SLC19A2: variants seen among roughly 807,000 people sequenced by gnomAD.
SLC19A2 encodes thiamine transporter 1.
Under a neutral mutation model 44.7 loss-of-function variants are expected in SLC19A2, and 27 were observed. The observed-to-expected ratio is 0.60, with a 90% CI of 0.45 to 0.83. SLC19A2 has a LOEUF of 0.83. Ranked by LOEUF, SLC19A2 falls within the 40% of genes least tolerant of loss-of-function variation. SLC19A2 has a pLI of 0.00. For synonymous variants in SLC19A2, 239 were observed against 243.6 expected (o/e 0.98, Z 0.18); for missense variants, 566 against 613.7 (o/e 0.92, Z 0.82).
chr1:169,475,529 A>G (rs904659206), intron 2 of SLC19A2, among the ~76,000 whole-genome samples: 3 of 152,202 alleles, frequency 2.0e-5, no homozygotes, highest in African/African-American at 7.2e-5. Flanking sequence ...CGTTAATTTT[A>G]GCTAAAGCCA....
chr1:169,469,196 ACCAAGGAGCAGTC>A (rs1658109192), intron 3 of SLC19A2: 1 of 308,046 alleles, frequency 3.2e-6, no homozygotes, highest in Admixed American at 5.0e-5. Context: ...TCTCCTTCAA[ACCAAGGAGCAGTC>A]TAGAACATGG....
intron 1 of SLC19A2, among the ~76,000 whole-genome samples, chr1:169,484,729 T>A (rs189457218): frequency 7.7e-4 from 116 of 149,886 alleles, no homozygotes; most frequent in Middle Eastern, 3.4e-3. Context: ...GCTTCTGAAG[T>A]ACTTTATTTG....
chr1:169,477,452 T>C lies in SLC19A2; in HGVS notation c.510A>G (p.Thr170=). ...GGATTTGCCCTAGGACAGAGCCCACTGTAAAGCCCACCAAAGTGGCACTTC... is the reference window on the plus strand; with the variant it reads ...GGATTTGCCCTAGGACAGAGCCCACCGTAAAGCCCACCAAAGTGGCACTTC... ...YCRSATLVGF[T]VGSVLGQILV... The change falls in exon 2 of 6, where the codon ACA becomes ACG. Residue 170 remains threonine (T), a synonymous_variant. Coordinates refer to ENST00000236137, the MANE Select transcript of SLC19A2 (RefSeq NM_006996.3). The C allele has an allele frequency of 1.9e-6, 3 of 1,614,142 alleles. No homozygotes were observed. The highest frequency in any genetic ancestry group is 2.5e-6 in the Non-Finnish European group (3 of 1,180,020).
chr1:169,477,690 G>T lies in SLC19A2; in HGVS notation c.272C>A (p.Ala91Asp). ...AGGTTTATAACGGAGGTAGTCTGTG[G>T]CAAGGAACACAGGAAACAGTAGCAC... ...YLVLLFPVFL[A>D]TDYLRYKPVV... Residue 91 changes from alanine (A) to aspartate (D), a missense_variant, in exon 2 of 6, where the codon GCC becomes GAC. Transcript: ENST00000236137. 1.2e-6 allele frequency: 2 copies of T among 1,613,694 alleles called. No individual in the cohort carries two copies. The highest frequency in any genetic ancestry group is 1.3e-5 in the African/African-American group (1 of 74,874).
At position 169,467,915 on chromosome 1, in the gene SLC19A2, C is replaced by A. The variant is rs3765227; in HGVS notation, c.1365+196G>T. Among the ~76,000 whole-genome samples, 6,304 of 152,248 alleles carry A rather than the reference C, an allele frequency of 0.041. 196 individuals carry two copies. Among genetic ancestry groups the A allele is most frequent in the East Asian group, 0.12 (622 of 5,182 alleles). On this transcript the variant is annotated intron_variant, in intron 5 of 5. Transcript: ENST00000236137. ...AGTTACACTCGGGAATGTTCTAAGA[C>A]CTGACAATCCCAACACCCTCCCAGG...
chr1:169,465,421 C>T lies in SLC19A2; in HGVS notation c.*428G>A. On this transcript the variant is annotated 3_prime_UTR_variant, in exon 6 of 6. Coordinates refer to ENST00000236137, the MANE Select transcript of SLC19A2 (RefSeq NM_006996.3). ...GGCAGATGCTGTTAGAACATATTTC[C>T]ATCCATCATGACTTGCAACATTTTG... 5.1e-6 allele frequency: 1 copy of T among 196,958 alleles called. No individual in the cohort carries two copies. The highest frequency in any genetic ancestry group is 9.7e-5 in the South Asian group (1 of 10,292). 12.2% of individuals were successfully genotyped at this position (196,958 alleles called of 1,614,324 possible). A position where few individuals can be genotyped will look rare whatever the true frequency, so the allele number is the denominator to read the frequency against.
chr1:169,480,166 A>C (rs1658410970), intron 1 of SLC19A2, among the ~76,000 whole-genome samples: 1 of 152,248 alleles, frequency 6.6e-6, no homozygotes, highest in Admixed American at 6.5e-5. Flanking sequence ...AATTTTAGCA[A>C]ATGAGGAAAA....
chr1:169,477,001 A>G (rs554473666), intron 2 of SLC19A2, among the ~76,000 whole-genome samples, 154 bp downstream of exon 2: 1 of 152,310 alleles, frequency 6.6e-6, no homozygotes, highest in South Asian at 2.1e-4. Context: ...AGCTTGAATG[A>G]ATGAATGAAT....
chr1:169,476,579 G>A (rs543398077), intron 2 of SLC19A2, among the ~76,000 whole-genome samples: 2 of 152,180 alleles, frequency 1.3e-5, no homozygotes, highest in South Asian at 2.1e-4. Context: ...TTAGCTGGGC[G>A]TGGTGGCGAG....
At position 169,468,442 on chromosome 1, in the gene SLC19A2, A is replaced by G; in HGVS notation, c.1224-190T>C. 4.3e-6 allele frequency: 3 copies of G among 693,156 alleles called. No homozygotes were observed. The Admixed American group carries it at 8.7e-5, about 20-fold the overall frequency. 42.9% of individuals were successfully genotyped at this position (693,156 alleles called of 1,614,324 possible). On this transcript the variant is annotated intron_variant, in intron 4 of 5. Transcript: ENST00000236137. Reference sequence around the variant, plus strand: ...AAATCTCATGCAAACATCTGAAAACAGTAGGAACATACAAACATGGGAATA... The same window carrying G: ...AAATCTCATGCAAACATCTGAAAACGGTAGGAACATACAAACATGGGAATA...
Position 169,468,795 on chromosome 1 carries a change from A to T in SLC19A2, c.1072T>A (p.Trp358Arg). 1 of 1,613,998 alleles carries T rather than the reference A, an allele frequency of 6.2e-7. No homozygotes were observed. The highest frequency in any genetic ancestry group is 8.5e-7 in the Non-Finnish European group (1 of 1,179,906). ...VFAVGYIKIS[W>R]STWGEMTLSL... is the part of the protein sequence containing the mutation. ...AATGTCATTTCTCCCCAAGTTGACCAGGATATTTTTATATAACCAACTGCA... is the reference window on the plus strand; with the variant it reads ...AATGTCATTTCTCCCCAAGTTGACCTGGATATTTTTATATAACCAACTGCA... Residue 358 changes from tryptophan to arginine, a missense_variant, in exon 4 of 6, where the codon TGG (tryptophan) becomes AGG (arginine). Physicochemically the swap from Trp to Arg is moderately radical, Grantham distance 101. Coordinates refer to ENST00000236137, the MANE Select transcript of SLC19A2 (RefSeq NM_006996.3).
Position 169,471,675 on chromosome 1 carries a change from C to CGTGTGTGTGTGTGTGTGTGTGT in SLC19A2, c.808-1511_808-1490dup, listed in dbSNP as rs140548510. Reference sequence around the variant, plus strand: ...GACAGACTCTGTCTCAAAAAACAAACGTGTGTGTGTGTGTGTGTGTGTGTA... The same window carrying CGTGTGTGTGTGTGTGTGTGTGT: ...GACAGACTCTGTCTCAAAAAACAAACGTGTGTGTGTGTGTGTGTGTGTGTGTGTGTGTGTGTGTGTGTGTGTA... On this transcript the variant is annotated intron_variant, in intron 2 of 5. Transcript: ENST00000236137. 2.1e-3 allele frequency among the ~76,000 whole-genome samples: 272 copies of CGTGTGTGTGTGTGTGTGTGTGT among 131,880 alleles called. 1 individual carries two copies. The highest frequency in any genetic ancestry group is 5.7e-3 in the African/African-American group (194 of 34,296). The allele number at this position is 131,880 out of a possible 152,430, so 86.5% of individuals were successfully genotyped here. A position where few individuals can be genotyped will look rare whatever the true frequency, so the allele number is the denominator to read the frequency against.
rs1053540392 is a variant in SLC19A2, at chr1:169,468,884, G to A, written c.1031-48C>T. The A allele has an allele frequency of 9.8e-6, 15 of 1,536,306 alleles. No individual in the cohort carries two copies. The African/African-American group carries it at 1.8e-4, about 18-fold the overall frequency. On this transcript the variant is annotated intron_variant, in intron 3 of 5. Transcript: ENST00000236137. ...CCAATTATTTTGCTACACAAATGCT[G>A]TTGCAATAAATTAAAAACTCAGCTT...
At chr1:169,479,329 G>GA (rs1262741250) in intron 1 of SLC19A2, among the ~76,000 whole-genome samples, 5 of 152,074 alleles carry the variant, frequency 3.3e-5, no homozygotes, top group Non-Finnish European at 7.4e-5. Context: ...TTTTTAAATA[G>GA]AAAAAAGAAG....
At position 169,470,021 on chromosome 1, in the gene SLC19A2, G is replaced by C. The variant is rs779065978; in HGVS notation, c.973C>G (p.Pro325Ala). 1 of 1,614,002 alleles carries C rather than the reference G, an allele frequency of 6.2e-7. No homozygotes were observed. Among genetic ancestry groups the C allele is most frequent in the Non-Finnish European group, 8.5e-7 (1 of 1,179,940 alleles). ...YTQGLWEKVMPSRYAAIYNGG... is the reference protein window; with the variant it reads ...YTQGLWEKVMASRYAAIYNGG... ...TTATAGATAGCAGCATAGCGAGAAGGCATCACTTTCTCCCACAGGCCCTGT... is the reference window on the plus strand; with the variant it reads ...TTATAGATAGCAGCATAGCGAGAAGCCATCACTTTCTCCCACAGGCCCTGT... The change falls in exon 3 of 6, where the codon CCT becomes GCT. Residue 325 changes from proline (P) to alanine (A), a missense_variant. By Grantham distance (27) the Pro-to-Ala change is conservative. Coordinates refer to ENST00000236137, the MANE Select transcript of SLC19A2 (RefSeq NM_006996.3).
rs1658133770 is a variant in SLC19A2 at position 169,470,122 on chromosome 1, G to T, written c.872C>A (p.Ser291Tyr). 5 of 1,614,112 alleles carry T rather than the reference G, an allele frequency of 3.1e-6. No homozygotes were observed. Among genetic ancestry groups the T allele is most frequent in the Non-Finnish European group, 4.2e-6 (5 of 1,179,986 alleles). ...VLWNDFLMCY[S>Y]SRPLLCWSVW... ...AGACCAGCAGAGAAGAGGGCGAGAGGAGTAGCACATCAGGAAATCATTCCA... is the reference window on the plus strand; with the variant it reads ...AGACCAGCAGAGAAGAGGGCGAGAGTAGTAGCACATCAGGAAATCATTCCA... Residue 291 changes from serine to tyrosine, a missense_variant, in exon 3 of 6, where the codon TCC (serine) becomes TAC (tyrosine). Transcript: ENST00000236137.
chr1:169,485,568 T>G lies in SLC19A2; in HGVS notation c.199A>C (p.Arg67=), dbSNP rs771949772. Residue 67 remains arginine, a synonymous_variant, in exon 1 of 6, where the codon AGG becomes CGG. Coordinates refer to ENST00000236137, the MANE Select transcript of SLC19A2 (RefSeq NM_006996.3). The part of the protein sequence containing the change: ...LLGPDKNLTE[R]EVFNEIYPVW... ...CCCGCGTCCGCCGCGCGTACCTCCC[T>G]CTCGGTCAGGTTCTTGTCCGGCCCC... 6.3e-7 allele frequency: 1 copy of G among 1,584,924 alleles called. No homozygotes were observed. The highest frequency in any genetic ancestry group is 8.6e-7 in the Non-Finnish European group (1 of 1,166,008).
intron 1 of SLC19A2, 36 bp downstream of exon 1, chr1:169,485,527 C>T: frequency 6.4e-7 from 1 of 1,556,792 alleles, no homozygotes; most frequent in Non-Finnish European, 8.7e-7. Context: ...AGGCCGGTCG[C>T]CCGCCCTTCC....
chr1:169,479,018 A>T (rs1658388729), intron 1 of SLC19A2, among the ~76,000 whole-genome samples: 1 of 152,206 alleles, frequency 6.6e-6, no homozygotes, highest in South Asian at 2.1e-4. Flanking sequence ...ACTGCCTTAT[A>T]GGCTTTTTAA....
Sources: gnomAD v4.1 joint callset for allele counts (sites outside exome capture counted in the v4.1 genomes callset) on GRCh38, gnomAD v4.1.1 for gene constraint, MANE v1.5 for transcripts, NCBI Gene and HGNC (gene_info 2026-07-23, HGNC 2026-07-21) for gene names.